The following TLN2 variants were observed in gnomAD, a reference collection of about 807,000 sequenced individuals.
TLN2 encodes the protein talin 2.
A neutral mutation model predicts 294.7 loss-of-function variants in TLN2; 118 were observed. The observed-to-expected ratio is 0.40, with a 90% CI of 0.34 to 0.47. The LOEUF is 0.47. TLN2 is among the 20% of genes least tolerant of loss of function. TLN2 has a pLI of 0.84. For synonymous variants in TLN2, 1,431 were observed against 1,304.5 expected (o/e 1.10, Z -2.09); for missense variants, 3,083 against 3,282.2 (o/e 0.94, Z 1.48).
intron 1 of TLN2, among the ~76,000 whole-genome samples, chr15:62,459,620 A>G (rs1436332349): frequency 6.6e-6 from 1 of 152,220 alleles, no homozygotes; most frequent in Non-Finnish European, 1.5e-5. Context: ...CAGGTTGACA[A>G]CATCCAACCA....
intron 2 of TLN2, among the ~76,000 whole-genome samples, chr15:62,610,879 C>T (rs1269582142): frequency 3.3e-5 from 5 of 152,312 alleles, no homozygotes; most frequent in East Asian, 3.9e-4. Flanking sequence ...GCAGGGCACA[C>T]GCACGGGTGT....
At chr15:62,673,278 G>A (rs1012005654) in intron 9 of TLN2, among the ~76,000 whole-genome samples, 1 of 68,404 alleles carries the variant, frequency 1.5e-5, no homozygotes, top group South Asian at 6.2e-4. Context: ...CTTGATAGAC[G>A]GTTTTAGTTT....
chr15:62,618,574 C>T (rs1037004042), intron 3 of TLN2, 99 bp downstream of exon 3: 1 of 152,224 alleles, frequency 6.6e-6, no homozygotes, highest in Admixed American at 6.5e-5. Context: ...GCTAGGTACA[C>T]TAATACACTG....
Position 62,647,392 on chromosome 15 carries a change from T to C in TLN2, c.82T>C (p.Tyr28His). 6.2e-7 allele frequency: 1 copy of C among 1,614,236 alleles called. No homozygotes were observed. The highest frequency in any genetic ancestry group is 8.5e-7 in the Non-Finnish European group (1 of 1,180,038). The change falls in exon 4 of 59, where the codon TAC (tyrosine) becomes CAC (histidine). Residue 28 changes from tyrosine (Y) to histidine (H), a missense_variant. Coordinates refer to ENST00000636159, the MANE Select transcript of TLN2 (RefSeq NM_015059.3). ...GCAGTTTGAACCATCTACAGCTGTG[T>C]ACGATGCGTGTCGAGTCATTCGGGA... ...TMQFEPSTAV[Y>H]DACRVIRERV...
rs765874195 is a variant in TLN2 at position 62,753,820 on chromosome 15, C to G, written c.4380C>G (p.His1460Gln). The change falls in exon 36 of 59, where the codon CAC becomes CAG. Residue 1460 changes from histidine (H) to glutamine (Q), a missense_variant. Coordinates refer to ENST00000636159, the MANE Select transcript of TLN2 (RefSeq NM_015059.3). ...CTGATCCAAACAGCCAGGCAGGCCA[C>G]CAGGGCCTGGTGGACCCCATCCAGT... ...GISDPNSQAG[H>Q]QGLVDPIQFA... 1.9e-6 allele frequency: 3 copies of G among 1,612,222 alleles called. No homozygotes were observed. The highest frequency in any genetic ancestry group is 2.5e-6 in the Non-Finnish European group (3 of 1,179,290).
intron 54 of TLN2, chr15:62,828,489 T>C (rs1456443077): frequency 6.6e-6 from 1 of 152,282 alleles, no homozygotes; most frequent in Non-Finnish European, 1.5e-5. Context: ...TTCCCAGTGC[T>C]GTCTTGTTAC....
chr15:62,730,871 T>C (rs1042704678), intron 28 of TLN2, among the ~76,000 whole-genome samples: 1 of 152,170 alleles, frequency 6.6e-6, no homozygotes, highest in African/African-American at 2.4e-5. Context: ...CTGGGCCAGT[T>C]TTCAAAAAAT....
At chr15:62,686,128 T>C (rs968591805) in intron 11 of TLN2, among the ~76,000 whole-genome samples, 2 of 152,188 alleles carry the variant, frequency 1.3e-5, no homozygotes, top group Non-Finnish European at 2.9e-5. Context: ...TCAGTAGATA[T>C]ACAAAATTCC....
chr15:62,824,468 A>G (rs1267874762), intron 54 of TLN2, among the ~76,000 whole-genome samples: 1 of 152,252 alleles, frequency 6.6e-6, no homozygotes, highest in Non-Finnish European at 1.5e-5. Flanking sequence ...AGCACAGATC[A>G]GTTTTCTATG....
intron 1 of TLN2, among the ~76,000 whole-genome samples, chr15:62,493,697 G>A (rs985990521): frequency 4.0e-5 from 6 of 149,192 alleles, no homozygotes; most frequent in Non-Finnish European, 7.4e-5. Context: ...TGTAGCTTCC[G>A]CCTCCCGGGT....
chr15:62,793,678 G>C (rs1361403922), intron 46 of TLN2, among the ~76,000 whole-genome samples: 2 of 151,946 alleles, frequency 1.3e-5, no homozygotes, highest in African/African-American at 4.8e-5. Context: ...CCCAGTATGC[G>C]AGTCTTTTGC....
intron 9 of TLN2, among the ~76,000 whole-genome samples, chr15:62,668,495 G>T (rs577484788): frequency 9.2e-5 from 14 of 152,210 alleles, no homozygotes; most frequent in African/African-American, 2.6e-4. Context: ...ATAAAACTCA[G>T]TGGCCACCAC....
At chr15:62,631,584 CTCTT>C (rs1400477735) in intron 3 of TLN2, among the ~76,000 whole-genome samples, 8 of 102,350 alleles carry the variant, frequency 7.8e-5, no homozygotes, top group African/African-American at 2.4e-4. Context: ...TTCTTTCTCT[CTCTT>C]CTTTCACTCT....
intron 58 of TLN2, 42 bp from the exon 59 acceptor site, chr15:62,840,440 T>G (rs2070520214): frequency 6.2e-7 from 1 of 1,610,376 alleles, no homozygotes; most frequent in Non-Finnish European, 8.5e-7. Context: ...GAGGGTTTTC[T>G]ACAAAGTGTT....
intron 1 of TLN2, among the ~76,000 whole-genome samples, chr15:62,576,251 G>T (rs1228669595): frequency 6.4e-5 from 8 of 125,430 alleles, no homozygotes; most frequent in Non-Finnish European, 1.3e-4. Flanking sequence ...GTGAAAGAGT[G>T]AGACCCCGTC....
At chr15:62,416,990 G>A (rs955170584) in intron 1 of TLN2, among the ~76,000 whole-genome samples, 1 of 152,156 alleles carries the variant, frequency 6.6e-6, no homozygotes, top group African/African-American at 2.4e-5. Context: ...ATCCCGGCCA[G>A]CAGTTGCCCA....
chr15:62,458,821 C>T (rs1224326156), intron 1 of TLN2, among the ~76,000 whole-genome samples: 1 of 151,974 alleles, frequency 6.6e-6, no homozygotes, highest in African/African-American at 2.4e-5. Flanking sequence ...GTGCGACTCT[C>T]CTTGCATGTC....
intron 2 of TLN2, among the ~76,000 whole-genome samples, chr15:62,593,538 C>T (rs2046249719): frequency 6.6e-6 from 1 of 152,182 alleles, no homozygotes; most frequent in South Asian, 2.1e-4. Context: ...CCCTGGAGAA[C>T]TCAAGATCTG....
In TLN2 at chr15:62,542,301, C is replaced by T. The variant is rs555388317; in HGVS notation, c.-237-47386C>T. ...GCACCTCCCGGGTTCACGCCATTCT[C>T]CTGCCTCAGCCTCCAGAGTAGCTGG... On this transcript the variant is annotated intron_variant, in intron 1 of 58. Transcript: ENST00000636159. Among the ~76,000 whole-genome samples, 12 of 152,278 alleles carry T rather than the reference C, an allele frequency of 7.9e-5. No homozygotes were observed. The East Asian group carries it at 2.3e-3, about 29-fold the overall frequency.
Sources: allele counts gnomAD v4.1 joint callset (sites outside exome capture counted in the v4.1 genomes callset), GRCh38; gene constraint gnomAD v4.1.1; transcripts MANE v1.5; gene names NCBI Gene and HGNC (gene_info 2026-07-23, HGNC 2026-07-21).